The following NUP98 variants were observed in gnomAD, a reference collection of about 807,000 sequenced individuals.
NUP98 encodes the protein nuclear pore complex protein Nup98-Nup96.
In NUP98, 26 loss-of-function variants were observed where a neutral mutation model predicts 191.9. The ratio of observed to expected loss-of-function variants is 0.14; its 90% confidence interval spans 0.10 to 0.19. The LOEUF is 0.19. Among genes scored for constraint, NUP98 ranks in the 10% least tolerant of loss-of-function variants. NUP98 has a pLI of 1.00. For synonymous variants in NUP98, 808 were observed against 778.4 expected, an observed-to-expected ratio of 1.04 and a Z score of -0.63; for missense variants, 1,941 against 2,178.8, an observed-to-expected ratio of 0.89 and a Z score of 2.17.
At chr11:3,695,356 C>T in intron 26 of NUP98, 93 bp downstream of exon 26, 1 of 1,204,676 alleles carries the variant, frequency 8.3e-7, no homozygotes, top group Admixed American at 2.8e-5. Context: ...TAACTGTGCA[C>T]AATTTACAAA....
At chr11:3,794,891 T>C (rs1033351908) in intron 1 of NUP98, among the ~76,000 whole-genome samples, 2 of 152,170 alleles carry the variant, frequency 1.3e-5, no homozygotes, top group Admixed American at 6.6e-5. Flanking sequence ...GGGATTACAG[T>C]AGTCAGTCAC....
At chr11:3,760,725 G>A in intron 9 of NUP98, 99 bp from the exon 10 acceptor site, 1 of 803,094 alleles carries the variant, frequency 1.2e-6, no homozygotes, top group Non-Finnish European at 1.9e-6. Flanking sequence ...GTATGGGGTG[G>A]GAGAAAGATG....
chr11:3,757,964 C>T (rs2081033702), intron 10 of NUP98, among the ~76,000 whole-genome samples: 2 of 151,900 alleles, frequency 1.3e-5, no homozygotes, highest in Admixed American at 6.6e-5. Flanking sequence ...AGTCACACAA[C>T]ATAAGCAGAT....
intron 1 of NUP98, among the ~76,000 whole-genome samples, chr11:3,794,969 A>C (rs1406550318): frequency 6.6e-6 from 1 of 152,224 alleles, no homozygotes; most frequent in Non-Finnish European, 1.5e-5. Flanking sequence ...AACAAATTAC[A>C]TAACTGCATA....
rs1305245018 is a variant in NUP98, at chr11:3,735,266, A to G, written c.1467T>C (p.Asn489=). The change falls in exon 13 of 33, where the codon AAT becomes AAC. Residue 489 remains asparagine, a synonymous_variant. Coordinates refer to ENST00000324932, the MANE Select transcript of NUP98 (RefSeq NM_016320.5). ...CTCCAAAAGGTGAGTATGTTAGACT[A>G]TTGATGTGCTGCTGGAGAACAGCCT... The part of the protein sequence containing the change: ...AQQAVLQQHI[N]SLTYSPFGDS... The G allele has an allele frequency of 1.3e-6, 2 of 1,594,720 alleles. No individual in the cohort carries two copies. The highest frequency in any genetic ancestry group is 1.1e-5 in the South Asian group (1 of 87,854).
chr11:3,740,816 A>G (rs898813245), intron 12 of NUP98, among the ~76,000 whole-genome samples: 1 of 149,806 alleles, frequency 6.7e-6, no homozygotes, highest in South Asian at 2.1e-4. Context: ...ATAAATATAT[A>G]TATATATATT....
intron 18 of NUP98, among the ~76,000 whole-genome samples, chr11:3,715,469 G>A (rs1295043822): frequency 3.3e-5 from 5 of 151,736 alleles, no homozygotes; most frequent in South Asian, 2.1e-4. Flanking sequence ...TAATGGGTAT[G>A]GTATCTCATT....
intron 4 of NUP98, 38 bp from the exon 5 acceptor site, chr11:3,776,059 G>C: frequency 6.7e-7 from 1 of 1,502,404 alleles, no homozygotes; most frequent in Non-Finnish European, 9.1e-7. Flanking sequence ...ATAACAGTAA[G>C]AAATTTAAGA....
At chr11:3,734,529 G>A (rs2079972547) in intron 13 of NUP98, among the ~76,000 whole-genome samples, 1 of 152,126 alleles carries the variant, frequency 6.6e-6, no homozygotes, top group Admixed American at 6.5e-5. Flanking sequence ...ATTTAGGGAG[G>A]CAAAATGACT....
At chr11:3,756,852 C>T (rs2080975969) in intron 10 of NUP98, among the ~76,000 whole-genome samples, 1 of 151,300 alleles carries the variant, frequency 6.6e-6, no homozygotes. Flanking sequence ...TTTTGGGAGG[C>T]CGAGGTGAGC....
chr11:3,683,526 AGT>A, intron 29 of NUP98, 85 bp from the exon 30 acceptor site: 1 of 1,447,052 alleles, frequency 6.9e-7, no homozygotes, highest in Non-Finnish European at 9.3e-7. Flanking sequence ...CCCTTGGGGC[AGT>A]CTCTTAAACT....
intron 13 of NUP98, among the ~76,000 whole-genome samples, chr11:3,732,071 TAAAATGTAATCAAGATAATG>T (rs1456374426): frequency 2.0e-5 from 3 of 152,178 alleles, no homozygotes; most frequent in Admixed American, 6.5e-5. Context: ...TGACATCTTT[TAAAATGTAATCAAGATAATG>T]AATCTGTTAG....
chr11:3,693,738 T>C lies in NUP98; in HGVS notation c.4168-363A>G, dbSNP rs374243913. Among the ~76,000 whole-genome samples, 12 of 152,274 alleles carry C rather than the reference T, an allele frequency of 7.9e-5. No homozygotes were observed. In the South Asian group the frequency reaches 1.0e-3, roughly 13 times the overall value. On this transcript the variant is annotated intron_variant, in intron 26 of 32. Transcript: ENST00000324932. ...CAGTACTCAAATGAGATGAGAGCCA[T>C]TGAGAGCAGAGAGATCTTCTCACTG...
chr11:3,706,617 G>T lies in NUP98; in HGVS notation c.2753C>A (p.Pro918Gln). ...AACCCTCCCTAACTGCTCCACCTCTGGGCTCTGGCTCTGTAGACAGCAGAA... is the reference window on the plus strand; with the variant it reads ...AACCCTCCCTAACTGCTCCACCTCTTGGCTCTGGCTCTGTAGACAGCAGAA... ...KPAPPPQSQSPEVEQLGRVVE... is the reference protein window; with the variant it reads ...KPAPPPQSQSQEVEQLGRVVE... The change falls in exon 21 of 33, where the codon CCA becomes CAA. Residue 918 changes from proline (P) to glutamine (Q), a missense_variant. Physicochemically the swap from Pro to Gln is moderately conservative, Grantham distance 76. Around this residue, in one of 6 missense-constraint regions of NUP98, gnomAD observed 1,030 missense variants for 1,115.8 expected, o/e 0.92. Transcript: ENST00000324932. The T allele has an allele frequency of 6.2e-7, 1 of 1,613,606 alleles. No individual in the cohort carries two copies. The highest frequency in any genetic ancestry group is 8.5e-7 in the Non-Finnish European group (1 of 1,179,904).
chr11:3,676,882 T>C (rs2077831083), intron 31 of NUP98, among the ~76,000 whole-genome samples: 1 of 152,150 alleles, frequency 6.6e-6, no homozygotes, highest in Admixed American at 6.5e-5. Context: ...CAAGCTTTAA[T>C]AACACAGCAC....
chr11:3,794,113 G>A (rs553086360), intron 1 of NUP98, among the ~76,000 whole-genome samples: 244 of 152,272 alleles, frequency 1.6e-3, no homozygotes, highest in African/African-American at 5.1e-3. Flanking sequence ...AATGGGTAGA[G>A]GTAGGAATGT....
intron 7 of NUP98, among the ~76,000 whole-genome samples, 179 bp downstream of exon 7, chr11:3,771,569 C>T (rs2081533113): frequency 6.6e-6 from 1 of 152,198 alleles, no homozygotes; most frequent in African/African-American, 2.4e-5. Context: ...CCTTAGTCGT[C>T]TTCATCTTAA....
chr11:3,752,413 A>T (rs2080796228), intron 11 of NUP98, among the ~76,000 whole-genome samples: 2 of 151,602 alleles, frequency 1.3e-5, no homozygotes. Context: ...GCTACTAGGA[A>T]GGCTGAGGGA....
intron 16 of NUP98, among the ~76,000 whole-genome samples, chr11:3,722,214 G>C (rs897812127): frequency 6.7e-6 from 1 of 148,316 alleles, no homozygotes; most frequent in African/African-American, 2.5e-5. Context: ...CTGGGTTCAA[G>C]TGATCCTCCC....
Sources: gnomAD v4.1 joint callset for allele counts (sites outside exome capture counted in the v4.1 genomes callset) on GRCh38, gnomAD v4.1.1 for gene constraint, gnomAD v4.1.1 regional missense constraint, MANE v1.5 for transcripts, NCBI Gene and HGNC (gene_info 2026-07-23, HGNC 2026-07-21) for gene names.